Variants in P3H3 observed in about 807,000 individuals in gnomAD.
The protein encoded by P3H3 is gene rich cluster, B.
A neutral mutation model predicts 78.1 loss-of-function variants in P3H3; 64 were observed. The ratio of observed to expected loss-of-function variants is 0.82; its 90% confidence interval spans 0.67 to 1.01. P3H3 has a LOEUF of 1.01. P3H3 is among the 50% of genes least tolerant of loss of function. The pLI, the probability that P3H3 is intolerant of heterozygous loss-of-function variation, is 0.00. For synonymous variants in P3H3, 425 were observed against 416.7 expected, an observed-to-expected ratio of 1.02 and a Z score of -0.24; for missense variants, 975 against 982.2, an observed-to-expected ratio of 0.99 and a Z score of 0.10.
chr12:6,836,082 T>C lies in P3H3; in HGVS notation c.1459-903T>C, dbSNP rs117204126. Among the ~76,000 whole-genome samples, 50 of 152,108 alleles carry C rather than the reference T, an allele frequency of 3.3e-4. No homozygotes were observed. In the East Asian group the frequency reaches 9.5e-3, roughly 29 times the overall value. On this transcript the variant is annotated intron_variant, in intron 9 of 14. Transcript: ENST00000290510. ...CTCTACAAAAATACAAAAAATTAGC[T>C]GGGCCTATGCGCCTATATGTTCCCA...
chr12:6,837,855 C>T lies in P3H3; in HGVS notation c.1829+6C>T, dbSNP rs782456256. The T allele has an allele frequency of 2.5e-6, 4 of 1,604,838 alleles. No individual in the cohort carries two copies. Among genetic ancestry groups the T allele is most frequent in the Non-Finnish European group, 3.4e-6 (4 of 1,175,402 alleles). On this transcript the variant is annotated splice_donor_region_variant and intron_variant, in intron 12 of 14. Coordinates refer to ENST00000290510, the MANE Select transcript of P3H3 (RefSeq NM_014262.5). The stretch of plus-strand genomic sequence containing the variant: ...TACACCTATCGGGACTACAGGTGGG[C>T]AGCCCCTCTAGTGGTCAGGCAGGTG...
chr12:6,829,621 C>T lies in P3H3; in HGVS notation c.499-238C>T. The T allele has an allele frequency of 1.8e-6, 1 of 541,312 alleles. No homozygotes were observed. Among genetic ancestry groups the T allele is most frequent in the Non-Finnish European group, 3.3e-6 (1 of 302,870 alleles). The allele number at this position is 541,312 out of a possible 1,614,324, so 33.5% of individuals were successfully genotyped here. The stretch of plus-strand genomic sequence containing the variant: ...CTGAAGTCCTGAGACCCATGTCCCA[C>T]CCAACTCCGACGTCTTTAGATCCCC... On this transcript the variant is annotated intron_variant, in intron 1 of 14. Coordinates refer to ENST00000290510, the MANE Select transcript of P3H3 (RefSeq NM_014262.5). This position sits in a 1 kb window ranked among gnomAD's most constrained non-coding sequence, Gnocchi z 5.1.
chr12:6,833,464 C>A (rs781869871), intron 6 of P3H3, 128 bp from the exon 7 acceptor site: 8 of 880,094 alleles, frequency 9.1e-6, no homozygotes, highest in African/African-American at 1.7e-5. Flanking sequence ...ACATTGAGTC[C>A]CGGGCTTTTC....
In P3H3 at chr12:6,828,460, CGCTGCTGCTACT is replaced by C. The variant is rs1943404526; in HGVS notation, c.30_41del (p.Leu11_Leu14del). On this transcript the variant is annotated inframe_deletion, in exon 1 of 15. Coordinates refer to ENST00000290510, the MANE Select transcript of P3H3 (RefSeq NM_014262.5). ...GACATCATGCTCCGGCTCCTCCGGC[CGCTGCTGCTACT>C]GCTGCTGCTGCCTCCCCCGGGGTCC... 2 of 1,155,656 alleles carry C rather than the reference CGCTGCTGCTACT, an allele frequency of 1.7e-6. No homozygotes were observed. The highest frequency in any genetic ancestry group is 3.1e-5 in the East Asian group (1 of 31,878). The allele number at this position is 1,155,656 out of a possible 1,614,324, so 71.6% of individuals were successfully genotyped here. A position where few individuals can be genotyped will look rare whatever the true frequency, so the allele number is the denominator to read the frequency against.
In P3H3 at chr12:6,828,638, C is replaced by A; in HGVS notation, c.198C>A (p.Ser66Arg). The A allele has an allele frequency of 1.6e-6, 2 of 1,216,022 alleles. No individual in the cohort carries two copies. Among genetic ancestry groups the A allele is most frequent in the Non-Finnish European group, 2.0e-6 (2 of 978,466 alleles). 75.3% of individuals were successfully genotyped at this position (1,216,022 alleles called of 1,614,324 possible). The change falls in exon 1 of 15, where the codon AGC becomes AGA. Residue 66 changes from serine to arginine, a missense_variant. Coordinates refer to ENST00000290510, the MANE Select transcript of P3H3 (RefSeq NM_014262.5). ...CGCTGCTGCGGGAGGCGCTGCGGAG[C>A]CAGGCGGCGCTGGGCCGGGTGCGGC... is the stretch of plus-strand genomic sequence containing the variant. ...AVALLREALR[S>R]QAALGRVRLD... is the part of the protein sequence containing the mutation.
intron 13 of P3H3, among the ~76,000 whole-genome samples, chr12:6,838,472 T>C (rs1943524143): frequency 6.6e-6 from 1 of 152,048 alleles, no homozygotes; most frequent in Non-Finnish European, 1.5e-5. Flanking sequence ...AAAGGGTCAT[T>C]GTAGGAAGTA....
At chr12:6,836,668 C>G (rs1320493891) in intron 9 of P3H3, among the ~76,000 whole-genome samples, 1 of 152,180 alleles carries the variant, frequency 6.6e-6, no homozygotes, top group Non-Finnish European at 1.5e-5. Context: ...CTGCCTAGTT[C>G]CCAGCTCTGC....
chr12:6,828,811 G>C lies in P3H3; in HGVS notation c.371G>C (p.Cys124Ser), dbSNP rs1022400899. 2.3e-5 allele frequency: 29 copies of C among 1,237,508 alleles called. No homozygotes were observed. The African/African-American group carries it at 4.0e-4, about 17-fold the overall frequency. The allele number at this position is 1,237,508 out of a possible 1,614,324, so 76.7% of individuals were successfully genotyped here. Residue 124 changes from cysteine to serine, a missense_variant, in exon 1 of 15, where the codon TGC becomes TCC. Coordinates refer to ENST00000290510, the MANE Select transcript of P3H3 (RefSeq NM_014262.5). ...LLRAALRRADCLTQCAARRLG... is the reference protein window; with the variant it reads ...LLRAALRRADSLTQCAARRLG... ...CGTGCAGCGCTCCGCCGCGCAGACTGCCTGACCCAGTGCGCAGCACGGAGG... is the reference window on the plus strand; with the variant it reads ...CGTGCAGCGCTCCGCCGCGCAGACTCCCTGACCCAGTGCGCAGCACGGAGG...
chr12:6,830,020 C>G lies in P3H3; in HGVS notation c.651+9C>G, dbSNP rs782176061. 6.8e-6 allele frequency: 11 copies of G among 1,613,382 alleles called. No homozygotes were observed. The highest frequency in any genetic ancestry group is 9.3e-6 in the Non-Finnish European group (11 of 1,179,656). Reference sequence around the variant, plus strand: ...AGACGCCCCCACACTGGGTGAGAATCCCAGCACCACCCCTGTCTTGCCACC... The same window carrying G: ...AGACGCCCCCACACTGGGTGAGAATGCCAGCACCACCCCTGTCTTGCCACC... On this transcript the variant is annotated intron_variant, in intron 2 of 14. Transcript: ENST00000290510.
intron 9 of P3H3, 127 bp from the exon 10 acceptor site, chr12:6,836,858 C>A (rs1943502850): frequency 3.0e-6 from 2 of 662,602 alleles, no homozygotes; most frequent in South Asian, 1.8e-5. Flanking sequence ...GGAAGACGAG[C>A]CACAACAGAA....
intron 14 of P3H3, 42 bp from the exon 15 acceptor site, chr12:6,839,255 G>A: frequency 1.3e-6 from 2 of 1,559,088 alleles, no homozygotes; most frequent in African/African-American, 1.4e-5. Flanking sequence ...CCCAGGGAAG[G>A]TGGGTGCAGG....
Position 6,828,595 on chromosome 12 carries a change from C to T in P3H3, c.155C>T (p.Ala52Val), listed in dbSNP as rs1387468250. 9.8e-6 allele frequency: 12 copies of T among 1,222,626 alleles called. No homozygotes were observed. Among genetic ancestry groups the T allele is most frequent in the Non-Finnish European group, 1.2e-5 (12 of 982,406 alleles). 75.7% of individuals were successfully genotyped at this position (1,222,626 alleles called of 1,614,324 possible). The change falls in exon 1 of 15, where the codon GCT becomes GTT. Residue 52 changes from alanine (A) to valine (V), a missense_variant. Ala to Val is a moderately conservative substitution (Grantham distance 64). Transcript: ENST00000290510. The part of the protein sequence containing the change: ...ADGLRAYAAG[A>V]WAPAVALLRE... ...GGGCTGCGCGCCTACGCGGCCGGGG[C>T]TTGGGCGCCGGCCGTGGCGCTGCTG...
In P3H3 at chr12:6,839,378, C is replaced by T. The variant is rs1943536889; in HGVS notation, c.2128C>T (p.Pro710Ser). The change falls in exon 15 of 15, where the codon CCT becomes TCT. Residue 710 changes from proline (P) to serine (S), a missense_variant. By Grantham distance (74) the Pro-to-Ser change is moderately conservative (BLOSUM62 -1). Coordinates refer to ENST00000290510, the MANE Select transcript of P3H3 (RefSeq NM_014262.5). ...EEEEEMPSKD[P>S]SPEPPSRRHQ... Reference sequence around the variant, plus strand: ...AGAGGAAGAAATGCCCAGCAAAGACCCTTCCCCAGAGCCCCCTAGCCGCAG... The same window carrying T: ...AGAGGAAGAAATGCCCAGCAAAGACTCTTCCCCAGAGCCCCCTAGCCGCAG... The T allele has an allele frequency of 1.3e-6, 2 of 1,553,146 alleles. No homozygotes were observed. Among genetic ancestry groups the T allele is most frequent in the Non-Finnish European group, 8.7e-7 (1 of 1,147,786 alleles).
chr12:6,835,652 G>A (rs1386024727), intron 9 of P3H3, among the ~76,000 whole-genome samples: 1 of 152,004 alleles, frequency 6.6e-6, no homozygotes, highest in Non-Finnish European at 1.5e-5. Flanking sequence ...AGAATCATCA[G>A]GGTGTATGTT....
At chr12:6,838,875 G>T in intron 13 of P3H3, 125 bp from the exon 14 acceptor site, 1 of 733,518 alleles carries the variant, frequency 1.4e-6, no homozygotes, top group Non-Finnish European at 2.0e-6. Context: ...GAATTAAGGA[G>T]TAGGAAGTGG....
At chr12:6,830,921 G>T (rs782650382) in intron 4 of P3H3, 151 bp downstream of exon 4, 19 of 1,195,818 alleles carry the variant, frequency 1.6e-5, no homozygotes, top group Non-Finnish European at 2.4e-6. Flanking sequence ...ACTCTAATTT[G>T]CCCTCCTTTG....
chr12:6,836,950 G>A, intron 9 of P3H3, 35 bp from the exon 10 acceptor site: 1 of 1,512,810 alleles, frequency 6.6e-7, no homozygotes, highest in Non-Finnish European at 9.1e-7. Flanking sequence ...GAGGGGCTGG[G>A]GGAGTGACTC....
In P3H3 at chr12:6,829,079, G is replaced by C; in HGVS notation, c.498+141G>C. The C allele has an allele frequency of 2.0e-6, 1 of 509,112 alleles. No homozygotes were observed. Among genetic ancestry groups the C allele is most frequent in the Admixed American group, 4.4e-5 (1 of 22,806 alleles). 31.5% of individuals were successfully genotyped at this position (509,112 alleles called of 1,614,324 possible). Reference sequence around the variant, plus strand: ...GAGCGTACCGCGGGCCTCTGCGTAGGAGCTGGCTAAGCGACCGCGAGGACC... The same window carrying C: ...GAGCGTACCGCGGGCCTCTGCGTAGCAGCTGGCTAAGCGACCGCGAGGACC... On this transcript the variant is annotated intron_variant, in intron 1 of 14. Coordinates refer to ENST00000290510, the MANE Select transcript of P3H3 (RefSeq NM_014262.5). The surrounding 1 kb of genome is among the most constrained non-coding windows in gnomAD (Gnocchi z 5.1).
intron 11 of P3H3, 44 bp from the exon 12 acceptor site, chr12:6,837,688 G>A (rs782184245): frequency 1.9e-6 from 3 of 1,588,310 alleles, no homozygotes; most frequent in Non-Finnish European, 2.6e-6. Flanking sequence ...GTGGCAGATG[G>A]GCACAGGGGC....
Sources: gnomAD v4.1 joint callset for allele counts (sites outside exome capture counted in the v4.1 genomes callset) on GRCh38, gnomAD v4.1.1 for gene constraint, Gnocchi (gnomAD v3.1) non-coding constraint, MANE v1.5 for transcripts, NCBI Gene and HGNC (gene_info 2026-07-23, HGNC 2026-07-21) for gene names.